The following IQANK1 variants were observed in gnomAD, a reference collection of about 807,000 sequenced individuals.
IQANK1 encodes the protein IQ motif and ankyrin repeat domain-containing protein 1.
IQANK1 carries 30 observed loss-of-function variants against 22.6 expected under a neutral mutation model. The ratio of observed to expected loss-of-function variants is 1.33; its 90% CI spans 0.99 to 1.80. IQANK1 has a LOEUF of 1.80. Ranked by LOEUF, IQANK1 falls within the 40% of genes most tolerant of loss-of-function variation. The pLI is 0.00. For missense variants in IQANK1, 275 were observed against 235.2 expected, an observed-to-expected ratio of 1.17 and a Z score of -1.11; for synonymous variants, 122 against 99.6, an observed-to-expected ratio of 1.23 and a Z score of -1.34.
At chr8:143,786,522 C>T (rs1819892589) in intron 7 of IQANK1, among the ~76,000 whole-genome samples, 1 of 152,196 alleles carries the variant, frequency 6.6e-6, no homozygotes, top group Non-Finnish European at 1.5e-5. Context: ...TATGTGTTTA[C>T]CCATTTATCT....
chr8:143,751,654 G>A (rs374475165), intron 3 of IQANK1, among the ~76,000 whole-genome samples: 10,019 of 36,684 alleles, frequency 0.27, 1,427 homozygotes, highest in African/African-American at 0.42. Context: ...GTGTGTGTGT[G>A]TGTGTGTGTG....
At chr8:143,743,118 C>T (rs782112433) in intron 3 of IQANK1, 6 of 438,142 alleles carry the variant, frequency 1.4e-5, no homozygotes, top group South Asian at 9.4e-5. Context: ...CGGGCACGGC[C>T]TTGCCAGGCT....
At chr8:143,746,326 T>G (rs1819032940) in intron 3 of IQANK1, 1 of 152,218 alleles carries the variant, frequency 6.6e-6, no homozygotes, top group African/African-American at 2.4e-5. Flanking sequence ...GCTGAATAAA[T>G]TTCTATTTCT....
At chr8:143,749,729 A>G (rs1272597852) in intron 3 of IQANK1, among the ~76,000 whole-genome samples, 2 of 149,160 alleles carry the variant, frequency 1.3e-5, no homozygotes, top group African/African-American at 4.9e-5. Flanking sequence ...TGCCTGGCTA[A>G]TTTTTGTGTT....
At chr8:143,760,839 G>A (rs1024437073) in intron 3 of IQANK1, among the ~76,000 whole-genome samples, 3 of 152,336 alleles carry the variant, frequency 2.0e-5, no homozygotes, top group Admixed American at 6.5e-5. Flanking sequence ...GGTTTTCTGC[G>A]CTCGGCATCG....
chr8:143,752,968 T>C (rs1316723314), intron 3 of IQANK1, among the ~76,000 whole-genome samples: 2 of 149,544 alleles, frequency 1.3e-5, no homozygotes, highest in Non-Finnish European at 3.0e-5. Flanking sequence ...CGTTTGATGG[T>C]GTCCCACAGG....
At chr8:143,741,285 A>G (rs1012556300) in intron 3 of IQANK1, among the ~76,000 whole-genome samples, 1 of 152,216 alleles carries the variant, frequency 6.6e-6, no homozygotes. Context: ...TGGGGCAGAC[A>G]GGACCAGGGA....
At chr8:143,742,476 G>C (rs1554626690) in intron 3 of IQANK1, 2 of 456,024 alleles carry the variant, frequency 4.4e-6, no homozygotes, top group South Asian at 3.1e-5. Context: ...TAGACACTTG[G>C]GCCCCGGGAC....
At chr8:143,751,593 CAGAGCGAGACTTCATCTCAAAAAAAAA>C (rs1469813520) in intron 3 of IQANK1, among the ~76,000 whole-genome samples, 1 of 133,542 alleles carries the variant, frequency 7.5e-6, no homozygotes, top group Admixed American at 8.1e-5. Context: ...GCCTGGGCAA[CAGAGCGAGACTTCATCTCAAAAAAAAA>C]AAAAAGTGTG....
chr8:143,789,819 A>C lies in IQANK1; in HGVS notation c.1145A>C (p.Glu382Ala). Reference protein sequence around the residue: ...DRLRQEAQKAEEALAMARLEL... With the variant: ...DRLRQEAQKAAEALAMARLEL... Reference sequence around the variant, plus strand: ...CTGCGGCAGGAGGCCCAGAAGGCCGAGGAGGCGCTGGCTATGGCCAGGCTG... The same window carrying C: ...CTGCGGCAGGAGGCCCAGAAGGCCGCGGAGGCGCTGGCTATGGCCAGGCTG... Residue 382 changes from glutamate (E) to alanine (A), a missense_variant, in exon 11 of 14, where the codon GAG becomes GCG. Glu to Ala is a moderately radical substitution (Grantham distance 107, BLOSUM62 -1). Coordinates refer to ENST00000527139, the MANE Select transcript of IQANK1 (RefSeq NM_001381874.1). 8.1e-7 allele frequency: 1 copy of C among 1,232,128 alleles called. No homozygotes were observed. The highest frequency in any genetic ancestry group is 1.0e-6 in the Non-Finnish European group (1 of 988,122). 76.3% of individuals were successfully genotyped at this position (1,232,128 alleles called of 1,614,324 possible). A position where few individuals can be genotyped will look rare whatever the true frequency, so the allele number is the denominator to read the frequency against.
chr8:143,772,618 A>G (rs1554629908), intron 7 of IQANK1, 136 bp downstream of exon 7: 1 of 396,208 alleles, frequency 2.5e-6, no homozygotes, highest in Non-Finnish European at 4.4e-6. Context: ...GGGAAGGCTC[A>G]CCCGACCGGC....
Position 143,771,551 on chromosome 8 carries a change from G to A in IQANK1, c.239G>A (p.Arg80Lys), listed in dbSNP as rs1457937837. ...GCCTTCCGGCAGCTCCGGGCCAGGAGGGAGCTCGCCCGCCGCCGGGAGGAG... is the reference window on the plus strand; with the variant it reads ...GCCTTCCGGCAGCTCCGGGCCAGGAAGGAGCTCGCCCGCCGCCGGGAGGAG... ...QGAFRQLRAR[R>K]ELARRREERR... The change falls in exon 4 of 14, where the codon AGG (arginine) becomes AAG (lysine). Residue 80 changes from arginine to lysine, a missense_variant. Coordinates refer to ENST00000527139, the MANE Select transcript of IQANK1 (RefSeq NM_001381874.1). The surrounding 1 kb of genome is among the most constrained non-coding windows in gnomAD (Gnocchi z 6.0). 1 of 398,198 alleles carries A rather than the reference G, an allele frequency of 2.5e-6. No homozygotes were observed. The highest frequency in any genetic ancestry group is 2.1e-5 in the African/African-American group (1 of 48,616). The allele number at this position is 398,198 out of a possible 1,614,324, so 24.7% of individuals were successfully genotyped here. A position where few individuals can be genotyped will look rare whatever the true frequency, so the allele number is the denominator to read the frequency against.
intron 3 of IQANK1, among the ~76,000 whole-genome samples, chr8:143,749,446 TATTA>T (rs1455950607): frequency 1.5e-5 from 2 of 135,884 alleles, no homozygotes; most frequent in Admixed American, 7.9e-5. Flanking sequence ...TATAATTATA[TATTA>T]TATATCATAT....
rs1246381429 is a variant in IQANK1, at chr8:143,774,964, C to T, written c.789+2482C>T. 6.6e-6 allele frequency among the ~76,000 whole-genome samples: 1 copy of T among 151,374 alleles called. No homozygotes were observed. The highest frequency in any genetic ancestry group is 1.5e-5 in the Non-Finnish European group (1 of 67,996). On this transcript the variant is annotated intron_variant, in intron 7 of 13. Coordinates refer to ENST00000527139, the MANE Select transcript of IQANK1 (RefSeq NM_001381874.1). This position sits in a 1 kb window ranked among gnomAD's most constrained non-coding sequence, Gnocchi z 4.2. ...ACAGATCGGAGGGCTGCAGGGGTTA[C>T]GGATGGGAGTGGGGGCAGGAAAAGC...
In IQANK1 at chr8:143,789,035, AAGG is replaced by A. The variant is rs1819953488; in HGVS notation, c.914_916del (p.Glu305del). ...CCGGGCCCAGGAGGCCCAGAGGCACAAGGAGGCCGAGGCTGAGCGGTGTGGAAG... is the reference window on the plus strand; with the variant it reads ...CCGGGCCCAGGAGGCCCAGAGGCACAAGGCCGAGGCTGAGCGGTGTGGAAG... On this transcript the variant is annotated inframe_deletion, in exon 8 of 14. Coordinates refer to ENST00000527139, the MANE Select transcript of IQANK1 (RefSeq NM_001381874.1). 1 of 400,340 alleles carries A rather than the reference AAGG, an allele frequency of 2.5e-6. No homozygotes were observed. Among genetic ancestry groups the A allele is most frequent in the Non-Finnish European group, 4.4e-6 (1 of 227,032 alleles). The allele number at this position is 400,340 out of a possible 1,614,324, so 24.8% of individuals were successfully genotyped here. A position where few individuals can be genotyped will look rare whatever the true frequency, so the allele number is the denominator to read the frequency against.
chr8:143,765,073 G>T (rs560332964), intron 3 of IQANK1, among the ~76,000 whole-genome samples: 1 of 151,984 alleles, frequency 6.6e-6, no homozygotes, highest in Non-Finnish European at 1.5e-5. Context: ...ATATATAGCC[G>T]CGCCGGGTTT....
intron 3 of IQANK1, among the ~76,000 whole-genome samples, chr8:143,767,910 G>A: frequency 9.0e-6 from 1 of 110,920 alleles, no homozygotes; most frequent in Non-Finnish European, 1.7e-5. Flanking sequence ...GTGAGACAGA[G>A]TCTCGCTCTG....
At chr8:143,748,857 A>ATCATATATAAATATATAAATATATATT (rs1819106885) in intron 3 of IQANK1, among the ~76,000 whole-genome samples, 2 of 73,652 alleles carry the variant, frequency 2.7e-5, no homozygotes, top group African/African-American at 1.2e-4. Context: ...AAATATATAT[A>ATCATATATAAATATATAAATATATATT]TCATATATAA....
At chr8:143,737,925 T>C (rs1554625907) in intron 2 of IQANK1, among the ~76,000 whole-genome samples, 1 of 152,180 alleles carries the variant, frequency 6.6e-6, no homozygotes, top group Non-Finnish European at 1.5e-5. Context: ...AGGGCCGGCA[T>C]GGGGTCCCCT....
Sources: gnomAD v4.1 joint callset for allele counts (sites outside exome capture counted in the v4.1 genomes callset) on GRCh38, gnomAD v4.1.1 for gene constraint, Gnocchi (gnomAD v3.1) non-coding constraint, MANE v1.5 for transcripts, NCBI Gene and HGNC (gene_info 2026-07-23, HGNC 2026-07-21) for gene names.